CALN1: variants seen among roughly 807,000 people sequenced by gnomAD.
The protein encoded by CALN1 is calneuron 1.
A neutral mutation model predicts 30.6 loss-of-function variants in CALN1; 17 were observed. The ratio of observed to expected loss-of-function variants is 0.56; its 90% CI spans 0.38 to 0.83. The LOEUF (loss-of-function observed/expected upper bound fraction) is 0.83. Among genes scored for constraint, CALN1 ranks in the 40% least tolerant of loss-of-function variants. The pLI is 0.00. For missense variants in CALN1, 291 were observed against 354.9 expected (o/e 0.82, Z 1.45); for synonymous variants, 156 against 131.4 (o/e 1.19, Z -1.28).
intron 3 of CALN1, among the ~76,000 whole-genome samples, chr7:72,139,139 A>T (rs1485293617): frequency 1.3e-5 from 2 of 152,192 alleles, no homozygotes; most frequent in Non-Finnish European, 2.9e-5. Flanking sequence ...ATATTCAACA[A>T]GCAGGTTGCT....
intron 5 of CALN1, among the ~76,000 whole-genome samples, chr7:71,813,774 C>CA (rs1283029554): frequency 1.7e-4 from 26 of 151,652 alleles, no homozygotes; most frequent in Admixed American, 1.4e-3. Context: ...CTAAAAAATA[C>CA]AAAAAAATTA....
intron 3 of CALN1, among the ~76,000 whole-genome samples, chr7:72,197,670 A>AAAAT (rs754049095): frequency 2.0e-5 from 3 of 152,114 alleles, no homozygotes; most frequent in East Asian, 1.9e-4. Flanking sequence ...TCCCTACAAA[A>AAAAT]AAATAAATAA....
chr7:71,901,372 T>G (rs919583273), intron 5 of CALN1, among the ~76,000 whole-genome samples: 1 of 149,956 alleles, frequency 6.7e-6, no homozygotes, highest in Non-Finnish European at 1.5e-5. Context: ...ATCAAAGTAC[T>G]AATATCATTT....
chr7:72,144,884 C>T (rs556721250), intron 3 of CALN1, among the ~76,000 whole-genome samples: 3 of 152,128 alleles, frequency 2.0e-5, no homozygotes, highest in Admixed American at 6.6e-5. Context: ...GGGTTCATAA[C>T]GGAATGAAGG....
intron 5 of CALN1, among the ~76,000 whole-genome samples, chr7:72,023,322 T>C (rs1350097933): frequency 6.6e-6 from 1 of 152,180 alleles, no homozygotes; most frequent in Admixed American, 6.5e-5. Context: ...TCAGCAAAGA[T>C]ATCCCGGAAC....
the CALN1 span, among the ~76,000 whole-genome samples, chr7:72,501,370 T>TAAAAAAAAAAAAAA: frequency 2.3e-4 from 10 of 42,806 alleles, no homozygotes; most frequent in East Asian, 8.9e-4. Flanking sequence ...ACGTCTCTAT[T>TAAAAAAAAAAAAAA]AAAAAAAAAA....
At chr7:71,911,211 C>T (rs1461588312) in intron 5 of CALN1, among the ~76,000 whole-genome samples, 4 of 152,176 alleles carry the variant, frequency 2.6e-5, no homozygotes, top group African/African-American at 9.7e-5. Flanking sequence ...CAAACCAGGC[C>T]CCACACTTTG....
chr7:72,355,998 AAAGG>A (rs1803198197), intron 2 of CALN1, among the ~76,000 whole-genome samples: 2 of 152,250 alleles, frequency 1.3e-5, no homozygotes, highest in South Asian at 2.1e-4. Flanking sequence ...TGGTTGTACA[AAAGG>A]AAGATAAATG....
chr7:72,409,030 C>T (rs1009199804), intron 1 of CALN1, among the ~76,000 whole-genome samples: 1 of 151,790 alleles, frequency 6.6e-6, no homozygotes, highest in Non-Finnish European at 1.5e-5. Flanking sequence ...GAGTCTTGCT[C>T]TGTGGCCCAC....
At position 72,278,799 on chromosome 7, in the gene CALN1, G is replaced by A. The variant is rs1229844395; in HGVS notation, c.131C>T (p.Pro44Leu). ...APDFPTWEKM[P>L]FHHVTAGLLY... ...CAAGCCGGCGGTCACATGGTGGAAC[G>A]GCATCTTTTCCCTGCCCAAGAGAGA... Residue 44 changes from proline to leucine, a missense_variant, in exon 3 of 7, where the codon CCG becomes CTG. Around this residue, in one of 2 missense-constraint regions of CALN1, gnomAD observed 122 missense variants for 103.2 expected, o/e 1.18. Coordinates refer to ENST00000395275, the MANE Select transcript of CALN1 (RefSeq NM_031468.4). 3.1e-6 allele frequency: 5 copies of A among 1,613,052 alleles called. 1 individual carries two copies. The highest frequency in any genetic ancestry group is 4.2e-6 in the Non-Finnish European group (5 of 1,179,212).
intron 5 of CALN1, among the ~76,000 whole-genome samples, chr7:71,895,231 A>G (rs546224960): frequency 2.0e-5 from 3 of 152,286 alleles, no homozygotes; most frequent in East Asian, 1.9e-4. Flanking sequence ...TTGGGATTAC[A>G]TACATGAACC....
intron 1 of CALN1, among the ~76,000 whole-genome samples, chr7:72,404,345 T>C (rs575986062): frequency 6.6e-6 from 1 of 152,332 alleles, no homozygotes; most frequent in Admixed American, 6.5e-5. Flanking sequence ...TAATTGGTGC[T>C]CAATAAATAT....
intron 4 of CALN1, among the ~76,000 whole-genome samples, chr7:72,072,630 G>A (rs750325918): frequency 6.6e-6 from 1 of 152,166 alleles, no homozygotes; most frequent in Non-Finnish European, 1.5e-5. Flanking sequence ...TAGTATTATT[G>A]TAACATTGGT....
chr7:72,288,362 A>T (rs1798241974), intron 2 of CALN1, among the ~76,000 whole-genome samples: 1 of 152,186 alleles, frequency 6.6e-6, no homozygotes, highest in Non-Finnish European at 1.5e-5. Flanking sequence ...GATCACCCCA[A>T]GCAAGTGATC....
chr7:71,919,914 G>A (rs1313559357), intron 5 of CALN1, among the ~76,000 whole-genome samples: 2 of 152,188 alleles, frequency 1.3e-5, no homozygotes, highest in African/African-American at 4.8e-5. Flanking sequence ...TTCCCGATGT[G>A]TTCCTGAGCC....
At position 72,421,032 on chromosome 7, in the gene CALN1, G is replaced by A. The variant is rs75842790; in HGVS notation, c.-225-8757C>T. Among the ~76,000 whole-genome samples the A allele has an allele frequency of 1.3e-4, 20 of 152,278 alleles. No individual in the cohort carries two copies. The East Asian group carries it at 3.7e-3, about 28-fold the overall frequency. On this transcript the variant is annotated intron_variant, in intron 1 of 6. Coordinates refer to the CALN1 transcript ENST00000395276. ...AGTTCTGGGTCTAGAAACCCGGGCA[G>A]GTTCTTACTGCACTTTCCTTTGCGT... is the stretch of plus-strand genomic sequence containing the variant.
At chr7:72,104,936 G>A (rs770584561) in intron 4 of CALN1, among the ~76,000 whole-genome samples, 32 of 151,714 alleles carry the variant, frequency 2.1e-4, no homozygotes, top group Non-Finnish European at 3.7e-4. Context: ...CAGCCTGGGC[G>A]ACAGAGAGAG....
At chr7:72,435,527 C>T (rs1443967340) in intron 1 of CALN1, among the ~76,000 whole-genome samples, 2 of 152,182 alleles carry the variant, frequency 1.3e-5, no homozygotes, top group Non-Finnish European at 2.9e-5. Context: ...GTTTCCTTCC[C>T]CTGGGACCAC....
At chr7:72,328,626 T>A (rs750483136) in intron 2 of CALN1, among the ~76,000 whole-genome samples, 7 of 152,174 alleles carry the variant, frequency 4.6e-5, no homozygotes, top group Non-Finnish European at 4.4e-5. Flanking sequence ...AATAAGATGG[T>A]AGGGGAAAGT....
Sources: gnomAD v4.1 joint callset for allele counts (sites outside exome capture counted in the v4.1 genomes callset) on GRCh38, gnomAD v4.1.1 for gene constraint, gnomAD v4.1.1 regional missense constraint, MANE v1.5 for transcripts, NCBI Gene and HGNC (gene_info 2026-07-23, HGNC 2026-07-21) for gene names.